Variants in NRG1 observed in about 807,000 individuals in gnomAD.
NRG1 encodes the protein neuregulin 1.
In NRG1, 18 loss-of-function variants were observed where a neutral mutation model predicts 63.8. That is an observed-to-expected ratio of 0.28 (90% CI 0.19 to 0.42). The LOEUF (loss-of-function observed/expected upper bound fraction) is 0.42. Among genes scored for constraint, NRG1 ranks in the 10% least tolerant of loss-of-function variants. The pLI is 1.00. For synonymous variants in NRG1, 302 were observed against 301.3 expected, an observed-to-expected ratio of 1.00 and a Z score of -0.02; for missense variants, 762 against 814.7, an observed-to-expected ratio of 0.94 and a Z score of 0.79.
chr8:32,536,263 T>A (rs1458408869), intron 1 of NRG1, among the ~76,000 whole-genome samples: 1 of 152,066 alleles, frequency 6.6e-6, no homozygotes, highest in Non-Finnish European at 1.5e-5. Context: ...GCAGGATTAA[T>A]TCGTTGTAGC....
At chr8:32,069,433 A>C (rs1825409004) in intron 1 of NRG1, among the ~76,000 whole-genome samples, 2 of 152,172 alleles carry the variant, frequency 1.3e-5, no homozygotes, top group East Asian at 3.9e-4. Flanking sequence ...ATCTGCCTAG[A>C]AGTAAGGTGC....
chr8:31,669,244 CT>C (rs71208137), intron 1 of NRG1, among the ~76,000 whole-genome samples: 3 of 146,286 alleles, frequency 2.1e-5, no homozygotes, highest in African/African-American at 2.5e-5. Flanking sequence ...TTTTTGTATT[CT>C]TTTTTTTTTT....
At chr8:31,664,311 G>A (rs1367032052) in intron 1 of NRG1, among the ~76,000 whole-genome samples, 1 of 152,158 alleles carries the variant, frequency 6.6e-6, no homozygotes, top group African/African-American at 2.4e-5. Context: ...TTGAAGACAG[G>A]ATGATTTAAA....
intron 1 of NRG1, among the ~76,000 whole-genome samples, chr8:32,227,577 CT>C (rs1846465767): frequency 1.3e-5 from 2 of 152,098 alleles, no homozygotes; most frequent in Non-Finnish European, 2.9e-5. Flanking sequence ...TCAAGCATTT[CT>C]CTGTTTCTCC....
At chr8:32,215,164 C>G (rs1451422574) in intron 1 of NRG1, among the ~76,000 whole-genome samples, 1 of 152,138 alleles carries the variant, frequency 6.6e-6, no homozygotes, top group Non-Finnish European at 1.5e-5. Flanking sequence ...TGCACTATAT[C>G]TGGAAACATT....
At chr8:32,697,093 A>G (rs1813564822) in intron 5 of NRG1, among the ~76,000 whole-genome samples, 1 of 152,252 alleles carries the variant, frequency 6.6e-6, no homozygotes, top group Admixed American at 6.5e-5. Context: ...TGTAGAGCAG[A>G]TTTCATTGTC....
At chr8:32,105,040 T>G (rs774188245) in intron 1 of NRG1, among the ~76,000 whole-genome samples, 1 of 152,166 alleles carries the variant, frequency 6.6e-6, no homozygotes, top group African/African-American at 2.4e-5. Flanking sequence ...CTCCATATAA[T>G]TGCATGTGCT....
chr8:31,999,729 TC>T (rs1226421089), intron 1 of NRG1, among the ~76,000 whole-genome samples: 5 of 151,952 alleles, frequency 3.3e-5, no homozygotes, highest in African/African-American at 1.2e-4. Context: ...ATAGTCTCTC[TC>T]CTCTGGGATC....
At chr8:32,333,991 T>C (rs1802953390) in intron 1 of NRG1, among the ~76,000 whole-genome samples, 1 of 152,204 alleles carries the variant, frequency 6.6e-6, no homozygotes, top group Non-Finnish European at 1.5e-5. Flanking sequence ...AAGTGCCACT[T>C]CTTCTGCAAA....
intron 1 of NRG1, among the ~76,000 whole-genome samples, chr8:32,478,151 T>A (rs555446618): frequency 7.4e-4 from 113 of 152,348 alleles, no homozygotes; most frequent in African/African-American, 2.5e-3. Flanking sequence ...GTTTCAAGTA[T>A]CCTTCTGCTG....
At position 32,699,673 on chromosome 8, in the gene NRG1, G is replaced by A. The variant is rs144171048; in HGVS notation, c.503-28276G>A. 1.4e-3 allele frequency among the ~76,000 whole-genome samples: 219 copies of A among 152,122 alleles called. 1 individual carries two copies. The highest frequency in any genetic ancestry group is 4.9e-3 in the African/African-American group (202 of 41,512). On this transcript the variant is annotated intron_variant, in intron 5 of 11. Coordinates refer to ENST00000356819, the Ensembl canonical transcript of NRG1. ...GTCACCCCATAAATGTGATTGGTAC[G>A]GCTTTTGAGATTATTGGTTTAGAAT... is the stretch of plus-strand genomic sequence containing the variant.
At chr8:32,228,751 A>T (rs983672152) in intron 1 of NRG1, among the ~76,000 whole-genome samples, 4 of 151,882 alleles carry the variant, frequency 2.6e-5, no homozygotes, top group Admixed American at 1.3e-4. Flanking sequence ...AGAAATAAGA[A>T]CTCTCACAAT....
intron 1 of NRG1, among the ~76,000 whole-genome samples, chr8:31,892,117 T>C (rs1189750231): frequency 2.6e-5 from 4 of 152,114 alleles, no homozygotes; most frequent in Non-Finnish European, 5.9e-5. Flanking sequence ...GATGTTACCA[T>C]GGGGGCAACT....
chr8:32,526,132 C>T (rs1363102536), intron 1 of NRG1, among the ~76,000 whole-genome samples: 1 of 152,172 alleles, frequency 6.6e-6, no homozygotes, highest in Non-Finnish European at 1.5e-5. Context: ...GCTTGGCCCC[C>T]TACTTTAGAG....
At chr8:31,969,010 G>A (rs577620188) in intron 1 of NRG1, among the ~76,000 whole-genome samples, 51 of 152,154 alleles carry the variant, frequency 3.4e-4, no homozygotes, top group African/African-American at 1.1e-3. Flanking sequence ...CGCTCTCTCC[G>A]CTTCGTTTTC....
chr8:31,644,894 T>A (rs1023207386), intron 1 of NRG1, among the ~76,000 whole-genome samples: 9 of 152,166 alleles, frequency 5.9e-5, no homozygotes, highest in African/African-American at 2.2e-4. Context: ...TGATAGCTCT[T>A]AATGAATGGG....
At chr8:32,297,957 A>G (rs958790319) in intron 1 of NRG1, among the ~76,000 whole-genome samples, 1 of 152,246 alleles carries the variant, frequency 6.6e-6, no homozygotes, top group Non-Finnish European at 1.5e-5. Flanking sequence ...TACTACTAGA[A>G]GCGAACTAAT....
At chr8:32,065,802 A>C (rs1319744312) in intron 1 of NRG1, among the ~76,000 whole-genome samples, 1 of 152,194 alleles carries the variant, frequency 6.6e-6, no homozygotes, top group African/African-American at 2.4e-5. Flanking sequence ...AGTCCCACCA[A>C]CAGTGCAAAA....
chr8:32,434,328 G>T (rs541607380), intron 1 of NRG1, among the ~76,000 whole-genome samples: 1 of 152,240 alleles, frequency 6.6e-6, no homozygotes, highest in South Asian at 2.1e-4. Flanking sequence ...CAGGTACTAT[G>T]CTGAGTGCTA....
Sources: gnomAD v4.1 joint callset for allele counts (sites outside exome capture counted in the v4.1 genomes callset) on GRCh38, gnomAD v4.1.1 for gene constraint, MANE v1.5 for transcripts, NCBI Gene and HGNC (gene_info 2026-07-23, HGNC 2026-07-21) for gene names.